COL4A4: variants seen among roughly 807,000 people sequenced by gnomAD.
COL4A4 encodes collagen type IV alpha 4 chain.
A neutral mutation model predicts 192.9 loss-of-function variants in COL4A4; 105 were observed. The ratio of observed to expected loss-of-function variants is 0.54; its 90% CI spans 0.46 to 0.64. The LOEUF (loss-of-function observed/expected upper bound fraction) is 0.64. Ranked by LOEUF, COL4A4 falls within the 30% of genes least tolerant of loss-of-function variation. The probability of loss-of-function intolerance (pLI) is 0.00; values close to 1 mark genes in which losing one functional copy is unlikely to be tolerated. For missense variants in COL4A4, 1,967 were observed against 2,169.3 expected, an observed-to-expected ratio of 0.91 and a Z score of 1.85; for synonymous variants, 762 against 769.9, an observed-to-expected ratio of 0.99 and a Z score of 0.17.
At chr2:227,145,202 C>A (rs1003521671) in intron 2 of COL4A4, among the ~76,000 whole-genome samples, 1 of 152,166 alleles carries the variant, frequency 6.6e-6, no homozygotes, top group African/African-American at 2.4e-5. Flanking sequence ...AATCCCAGAA[C>A]TTTAGGAGGC....
At chr2:227,126,791 A>T (rs1376047720) in intron 4 of COL4A4, among the ~76,000 whole-genome samples, 1 of 152,236 alleles carries the variant, frequency 6.6e-6, no homozygotes, top group African/African-American at 2.4e-5. Context: ...TAAATAATTT[A>T]TTCACAGCAT....
intron 25 of COL4A4, among the ~76,000 whole-genome samples, chr2:227,062,891 A>G (rs1228320233): frequency 6.6e-6 from 1 of 152,248 alleles, no homozygotes; most frequent in African/African-American, 2.4e-5. Flanking sequence ...GTAGATGATA[A>G]AAATGTAATG....
At chr2:227,000,165 C>T (rs549704854), downstream of COL4A4, among the ~76,000 whole-genome samples, 11 of 150,908 alleles carry the variant, frequency 7.3e-5, no homozygotes, top group African/African-American at 2.6e-4. Context: ...TCTTCAGACT[C>T]TCGTTATAGA....
chr2:226,996,760 A>G, the COL4A4 span: 1 of 152,194 alleles, frequency 6.6e-6, no homozygotes, highest in African/African-American at 2.4e-5. Flanking sequence ...ATAATTTTAT[A>G]TTACTGTCTT....
chr2:227,110,981 G>A (rs556691928), intron 9 of COL4A4, among the ~76,000 whole-genome samples: 168 of 152,266 alleles, frequency 1.1e-3, no homozygotes, highest in African/African-American at 4.0e-3. Context: ...CGCCTGGCCG[G>A]CAAAACTGCT....
chr2:227,024,253 G>A (rs1170061970), intron 43 of COL4A4, among the ~76,000 whole-genome samples: 1 of 152,230 alleles, frequency 6.6e-6, no homozygotes, highest in East Asian at 1.9e-4. Context: ...TTTCACGCCT[G>A]TAATCCCAGC....
chr2:227,105,393 T>A (rs2060783998), intron 12 of COL4A4, among the ~76,000 whole-genome samples: 1 of 152,172 alleles, frequency 6.6e-6, no homozygotes, highest in Non-Finnish European at 1.5e-5. Context: ...GATTTCGCCA[T>A]GTTGGCCAGG....
At chr2:227,130,131 A>C (rs1345781126) in intron 4 of COL4A4, among the ~76,000 whole-genome samples, 1 of 152,208 alleles carries the variant, frequency 6.6e-6, no homozygotes, top group African/African-American at 2.4e-5. Context: ...CAATCCAGAG[A>C]CTGGACTTCA....
chr2:226,974,306 C>T, the COL4A4 span, among the ~76,000 whole-genome samples: 6 of 151,116 alleles, frequency 4.0e-5, no homozygotes, highest in African/African-American at 9.8e-5. Context: ...GGTGTGATCT[C>T]GGCTCATTGC....
chr2:227,126,362 G>T (rs1237397700), intron 4 of COL4A4, among the ~76,000 whole-genome samples: 1 of 152,172 alleles, frequency 6.6e-6, no homozygotes, highest in Non-Finnish European at 1.5e-5. Context: ...TTCCTAGAAC[G>T]TTGGTTAACA....
chr2:227,026,076 T>C (rs958750305), intron 42 of COL4A4, among the ~76,000 whole-genome samples: 1 of 152,200 alleles, frequency 6.6e-6, no homozygotes, highest in Non-Finnish European at 1.5e-5. Flanking sequence ...TATAAAATTC[T>C]AGTTGATTTC....
chr2:226,984,176 C>G, the COL4A4 span, among the ~76,000 whole-genome samples: 3 of 152,268 alleles, frequency 2.0e-5, no homozygotes. Flanking sequence ...ACAGCCAGCA[C>G]CTGCTGAACT....
At chr2:227,012,157 A>T in intron 45 of COL4A4, 24 bp downstream of exon 45, 1 of 1,546,820 alleles carries the variant, frequency 6.5e-7, no homozygotes, top group Non-Finnish European at 8.9e-7. Flanking sequence ...GTGTCAGAGA[A>T]AAGAGGAGTG....
At chr2:227,011,173 C>G (rs940238150) in intron 45 of COL4A4, among the ~76,000 whole-genome samples, 1 of 152,146 alleles carries the variant, frequency 6.6e-6, no homozygotes, top group Non-Finnish European at 1.5e-5. Context: ...TGAACTATTG[C>G]AGAAGGCCAG....
chr2:227,007,877 G>T, intron 47 of COL4A4, 141 bp downstream of exon 47: 1 of 1,041,716 alleles, frequency 9.6e-7, no homozygotes, highest in Non-Finnish European at 1.4e-6. Flanking sequence ...ATCCCAACAG[G>T]CTATGGTTTG....
intron 4 of COL4A4, among the ~76,000 whole-genome samples, chr2:227,124,511 C>T (rs2061977084): frequency 6.6e-6 from 1 of 152,176 alleles, no homozygotes; most frequent in Non-Finnish European, 1.5e-5. Flanking sequence ...TTTCTTCATG[C>T]TCATTCATCA....
intron 43 of COL4A4, among the ~76,000 whole-genome samples, chr2:227,024,326 C>T (rs1253445107): frequency 2.6e-5 from 4 of 152,198 alleles, no homozygotes; most frequent in African/African-American, 7.2e-5. Flanking sequence ...GCCTGGGCAA[C>T]AGGGCGAAGC....
chr2:227,088,705 C>T lies in COL4A4; in HGVS notation c.1571G>A (p.Gly524Glu), dbSNP rs772086694. Reference sequence around the variant, plus strand: ...AGGAGGTCCTGGGTCACCTTTTGTTCCAAGCCAGCCAGGGAGCCCCAAGTC... The same window carrying T: ...AGGAGGTCCTGGGTCACCTTTTGTTTCAAGCCAGCCAGGGAGCCCCAAGTC... The part of the protein sequence containing the change: ...KGDLGLPGWL[G>E]TKGDPGPPGA... Residue 524 changes from glycine (G) to glutamate (E), a missense_variant, in exon 22 of 48, where the codon GGA becomes GAA. Gly to Glu is a moderately conservative substitution (Grantham distance 98). Coordinates refer to ENST00000396625, the MANE Select transcript of COL4A4 (RefSeq NM_000092.5). 1.9e-6 allele frequency: 3 copies of T among 1,614,010 alleles called. No individual in the cohort carries two copies. Among genetic ancestry groups the T allele is most frequent in the Non-Finnish European group, 2.5e-6 (3 of 1,180,026 alleles).
rs191104720 is a variant in COL4A4 at position 227,019,389 on chromosome 2, C to T, written c.4216+2659G>A. Among the ~76,000 whole-genome samples the T allele has an allele frequency of 8.9e-4, 135 of 152,238 alleles. 3 individuals are homozygous for T. In the Middle Eastern group the frequency reaches 0.024, roughly 27 times the overall value. ...AGATTCTGATTCTGTAGGTCTGGGGCGGGACCAAAGTTGCTGCTAGTTCCT... is the reference window on the plus strand; with the variant it reads ...AGATTCTGATTCTGTAGGTCTGGGGTGGGACCAAAGTTGCTGCTAGTTCCT... On this transcript the variant is annotated intron_variant, in intron 44 of 47. Coordinates refer to ENST00000396625, the MANE Select transcript of COL4A4 (RefSeq NM_000092.5).
Sources: gnomAD v4.1 joint callset for allele counts (sites outside exome capture counted in the v4.1 genomes callset) on GRCh38, gnomAD v4.1.1 for gene constraint, MANE v1.5 for transcripts, NCBI Gene and HGNC (gene_info 2026-07-23, HGNC 2026-07-21) for gene names.